Variants in DYNC1I1 observed in about 807,000 individuals in gnomAD.
DYNC1I1 encodes dynein cytoplasmic 1 intermediate chain 1, also known as cytoplasmic dynein 1 intermediate chain 1.
A neutral mutation model predicts 86.6 loss-of-function variants in DYNC1I1; 43 were observed. The ratio of observed to expected loss-of-function variants is 0.50; its 90% CI spans 0.39 to 0.64. The LOEUF (loss-of-function observed/expected upper bound fraction) is 0.64. Ranked by LOEUF, DYNC1I1 falls within the 30% of genes least tolerant of loss-of-function variation. DYNC1I1 has a pLI of 0.00. For synonymous variants in DYNC1I1, 262 were observed against 283.7 expected (o/e 0.92, Z 0.77); for missense variants, 604 against 788.8 (o/e 0.77, Z 2.81).
intron 10 of DYNC1I1, among the ~76,000 whole-genome samples, chr7:96,006,141 A>G (rs554936681): frequency 6.6e-6 from 1 of 152,364 alleles, no homozygotes; most frequent in Non-Finnish European, 1.5e-5. Context: ...GCCAACCTTA[A>G]CAACTGATCA....
In DYNC1I1 at chr7:96,092,195, A is replaced by G. The variant is rs542083074; in HGVS notation, c.1777-5288A>G. Among the ~76,000 whole-genome samples, 21 of 150,940 alleles carry G rather than the reference A, an allele frequency of 1.4e-4. No homozygotes were observed. The South Asian group carries it at 2.5e-3, about 18-fold the overall frequency. On this transcript the variant is annotated intron_variant, in intron 16 of 16. Coordinates refer to ENST00000447467, the MANE Select transcript of DYNC1I1 (RefSeq NM_001135556.2). ...TATAAGGTATACTTCTAAAAAAAAA[A>G]GTACAGCTCTAAATAGGTGAAAAGA... is the stretch of plus-strand genomic sequence containing the variant.
intron 10 of DYNC1I1, among the ~76,000 whole-genome samples, chr7:95,998,607 C>T (rs1266980302): frequency 6.6e-6 from 1 of 152,214 alleles, no homozygotes; most frequent in East Asian, 1.9e-4. Context: ...CTTCCGCATT[C>T]TCCTGTGATG....
At chr7:95,864,369 CAAAT>C (rs1314197513) in intron 5 of DYNC1I1, among the ~76,000 whole-genome samples, 13 of 152,200 alleles carry the variant, frequency 8.5e-5, no homozygotes, top group Admixed American at 8.5e-4. Flanking sequence ...TGAGCAGTGG[CAAAT>C]AACCTTCTCA....
intron 14 of DYNC1I1, among the ~76,000 whole-genome samples, chr7:96,049,934 G>A (rs1384143989): frequency 6.6e-6 from 1 of 151,890 alleles, no homozygotes; most frequent in African/African-American, 2.4e-5. Flanking sequence ...TCAGGAGGCT[G>A]AGGCAGGAGA....
At chr7:95,859,180 C>A (rs1305341671) in intron 5 of DYNC1I1, among the ~76,000 whole-genome samples, 2 of 151,394 alleles carry the variant, frequency 1.3e-5, no homozygotes, top group Non-Finnish European at 2.9e-5. Context: ...TTCAGCCTCC[C>A]TGTTAAATGT....
downstream of DYNC1I1, among the ~76,000 whole-genome samples, chr7:96,098,597 G>A (rs1791079684): frequency 6.6e-6 from 1 of 152,096 alleles, no homozygotes; most frequent in Admixed American, 6.6e-5. Flanking sequence ...TTTTTATGAG[G>A]GAATGTGTGT....
At chr7:95,913,815 G>T (rs1191978285) in intron 6 of DYNC1I1, among the ~76,000 whole-genome samples, 1 of 152,192 alleles carries the variant, frequency 6.6e-6, no homozygotes, top group Non-Finnish European at 1.5e-5. Flanking sequence ...TAATTCAGTT[G>T]TCTGTAGTTG....
rs1793984543 is a variant in DYNC1I1, at chr7:96,000,573, A to G, written c.969+4500A>G. ...ATACATGGTGAAATGAAATGCAGAC[A>G]TCCCAAAACACTTCTTTTCTGCCAA... On this transcript the variant is annotated intron_variant, in intron 10 of 16. Transcript: ENST00000447467. Among the ~76,000 whole-genome samples the G allele has an allele frequency of 3.9e-5, 6 of 152,226 alleles. No individual in the cohort carries two copies. The South Asian group carries it at 1.2e-3, about 31-fold the overall frequency.
chr7:95,968,584 T>C (rs956117837), intron 6 of DYNC1I1, among the ~76,000 whole-genome samples: 2 of 152,176 alleles, frequency 1.3e-5, no homozygotes, highest in Non-Finnish European at 2.9e-5. Context: ...AAGTTAAATA[T>C]CATGACATCT....
intron 3 of DYNC1I1, among the ~76,000 whole-genome samples, chr7:95,812,568 C>G (rs1794853457): frequency 6.6e-6 from 1 of 152,122 alleles, no homozygotes; most frequent in Admixed American, 6.6e-5. Flanking sequence ...CAAAACAAGT[C>G]CCAAAGACAG....
At chr7:95,994,452 G>C (rs145801533) in intron 9 of DYNC1I1, among the ~76,000 whole-genome samples, 6 of 152,326 alleles carry the variant, frequency 3.9e-5, no homozygotes, top group African/African-American at 1.4e-4. Context: ...TGGAGGACTT[G>C]ATGCCTGTGT....
At chr7:95,790,113 A>G (rs963870225) in intron 1 of DYNC1I1, among the ~76,000 whole-genome samples, 3 of 152,194 alleles carry the variant, frequency 2.0e-5, no homozygotes, top group African/African-American at 7.2e-5. Context: ...CCTTCTGCGT[A>G]CAGAGAAGTT....
intron 6 of DYNC1I1, among the ~76,000 whole-genome samples, chr7:95,889,585 A>T (rs562093553): frequency 1.0e-3 from 154 of 152,346 alleles, no homozygotes; most frequent in African/African-American, 3.6e-3. Context: ...AAAAGCAAAA[A>T]TTGACAAATT....
chr7:95,900,920 T>A (rs1174226403), intron 6 of DYNC1I1, among the ~76,000 whole-genome samples: 1 of 152,218 alleles, frequency 6.6e-6, no homozygotes, highest in African/African-American at 2.4e-5. Context: ...AATGAAAGAT[T>A]TTCTCCAATT....
intron 6 of DYNC1I1, among the ~76,000 whole-genome samples, chr7:95,920,475 A>C (rs1015373086): frequency 9.2e-5 from 14 of 152,202 alleles, no homozygotes; most frequent in African/African-American, 3.4e-4. Flanking sequence ...AAGAATTGTA[A>C]GTAAAGAATG....
intron 10 of DYNC1I1, among the ~76,000 whole-genome samples, chr7:96,009,301 T>C (rs1486664445): frequency 5.3e-5 from 8 of 152,158 alleles, no homozygotes; most frequent in Non-Finnish European, 1.2e-4. Context: ...ACTCCAGCAC[T>C]CAAGCCCCAA....
chr7:95,944,947 A>G (rs186603722), intron 6 of DYNC1I1, among the ~76,000 whole-genome samples: 7,944 of 151,444 alleles, frequency 0.052, 668 homozygotes, highest in East Asian at 0.33. Context: ...TGGGTGCAGC[A>G]CACCAGCATG....
chr7:95,971,956 T>A (rs1793183640), intron 6 of DYNC1I1, among the ~76,000 whole-genome samples: 1 of 152,122 alleles, frequency 6.6e-6, no homozygotes, highest in Admixed American at 6.5e-5. Flanking sequence ...GCCACAGTCC[T>A]CTCATGAAAT....
chr7:95,832,668 G>C (rs1039686168), intron 5 of DYNC1I1, among the ~76,000 whole-genome samples: 1 of 152,006 alleles, frequency 6.6e-6, no homozygotes, highest in Admixed American at 6.5e-5. Context: ...ATTCTAACTG[G>C]TGTGAGATGG....
Sources: gnomAD v4.1 joint callset for allele counts (sites outside exome capture counted in the v4.1 genomes callset) on GRCh38, gnomAD v4.1.1 for gene constraint, MANE v1.5 for transcripts, NCBI Gene and HGNC (gene_info 2026-07-23, HGNC 2026-07-21) for gene names.